The following GIGYF2 variants were observed in gnomAD, a reference collection of about 807,000 sequenced individuals.
The protein encoded by GIGYF2 is GRB10-interacting GYF protein 2.
In GIGYF2, 25 loss-of-function variants were observed where a neutral mutation model predicts 208.1. The observed-to-expected ratio is 0.12, with a 90% CI of 0.09 to 0.17. The LOEUF is 0.17. GIGYF2 is among the 10% of genes least tolerant of loss of function. The pLI is 1.00. For missense variants in GIGYF2, 1,302 were observed against 1,579.4 expected, an observed-to-expected ratio of 0.82 and a Z score of 2.98; for synonymous variants, 534 against 543.8, an observed-to-expected ratio of 0.98 and a Z score of 0.25.
At chr2:232,784,045 TTACA>T (rs1213336422) in intron 8 of GIGYF2, among the ~76,000 whole-genome samples, 1 of 152,162 alleles carries the variant, frequency 6.6e-6, no homozygotes, top group Non-Finnish European at 1.5e-5. Flanking sequence ...CCAGTAACAA[TTACA>T]TACAAGGATC....
chr2:232,774,204 G>A (rs1699413048), intron 8 of GIGYF2, among the ~76,000 whole-genome samples: 1 of 152,098 alleles, frequency 6.6e-6, no homozygotes, highest in Admixed American at 6.6e-5. Flanking sequence ...TCCAGAGTTA[G>A]TGCCATATTG....
intron 6 of GIGYF2, among the ~76,000 whole-genome samples, chr2:232,758,002 C>T (rs779855019): frequency 2.0e-5 from 3 of 152,080 alleles, no homozygotes; most frequent in Non-Finnish European, 2.9e-5. Flanking sequence ...AAGAATGGCA[C>T]GAAACTAGTC....
chr2:232,745,585 G>A (rs1180595597), intron 3 of GIGYF2, among the ~76,000 whole-genome samples: 1 of 152,180 alleles, frequency 6.6e-6, no homozygotes, highest in Non-Finnish European at 1.5e-5. Context: ...TAAGAATTAA[G>A]GCTTTTTCCC....
intron 2 of GIGYF2, chr2:232,722,763 G>A (rs1179733692): frequency 6.6e-6 from 1 of 151,996 alleles, no homozygotes; most frequent in Non-Finnish European, 1.5e-5. Flanking sequence ...TATTATCTTT[G>A]TAGCTTTTTA....
chr2:232,783,163 CT>C (rs1226294566), intron 8 of GIGYF2, among the ~76,000 whole-genome samples: 1 of 152,132 alleles, frequency 6.6e-6, no homozygotes, highest in Non-Finnish European at 1.5e-5. Flanking sequence ...TTAAAACAAC[CT>C]TGTGATTCTC....
intron 9 of GIGYF2, 131 bp from the exon 10 acceptor site, chr2:232,790,567 C>A: frequency 1.3e-6 from 1 of 792,340 alleles, no homozygotes; most frequent in Non-Finnish European, 2.3e-6. Context: ...GCCTAATGTT[C>A]TCTTTACTAG....
chr2:232,768,045 A>T, intron 8 of GIGYF2: 1 of 744,834 alleles, frequency 1.3e-6, no homozygotes, highest in East Asian at 2.6e-5. Context: ...TTGTTAGCTC[A>T]GCCATTCTTA....
At chr2:232,738,504 T>C (rs929097871) in intron 3 of GIGYF2, among the ~76,000 whole-genome samples, 9 of 152,190 alleles carry the variant, frequency 5.9e-5, no homozygotes, top group Admixed American at 3.3e-4. Context: ...AAATGTAACA[T>C]GACAAATATT....
intron 13 of GIGYF2, among the ~76,000 whole-genome samples, chr2:232,795,384 T>A (rs951762988): frequency 2.0e-5 from 3 of 152,204 alleles, no homozygotes; most frequent in African/African-American, 7.2e-5. Flanking sequence ...GTAAAGTAAG[T>A]GATAGCTTGC....
chr2:232,830,428 CAT>C (rs1230231138), intron 21 of GIGYF2, among the ~76,000 whole-genome samples: 1 of 152,018 alleles, frequency 6.6e-6, no homozygotes, highest in African/African-American at 2.4e-5. Context: ...ATGTTTAAGA[CAT>C]AGATTTTTTT....
At chr2:232,777,434 C>T (rs771589353) in intron 8 of GIGYF2, among the ~76,000 whole-genome samples, 1 of 152,068 alleles carries the variant, frequency 6.6e-6, no homozygotes, top group Non-Finnish European at 1.5e-5. Flanking sequence ...TACTTTTCTC[C>T]TCCTCCGTTA....
Position 232,791,165 on chromosome 2 carries a change from G to T in GIGYF2, c.1088G>T (p.Gly363Val), listed in dbSNP as rs775988473. 1 of 1,614,014 alleles carries T rather than the reference G, an allele frequency of 6.2e-7. No individual in the cohort carries two copies. Among genetic ancestry groups the T allele is most frequent in the South Asian group, 1.1e-5 (1 of 91,062 alleles). Residue 363 changes from glycine to valine, a missense_variant, in exon 11 of 29, where the codon GGA becomes GTA. Around this residue, in one of 8 missense-constraint regions of GIGYF2, gnomAD observed 235 missense variants for 218.8 expected, o/e 1.07. Coordinates refer to ENST00000373563, the MANE Select transcript of GIGYF2 (RefSeq NM_001103146.3). ...KKEGEKTDRV[G>V]VEASEETPQT... ...GAAGGAGAGAAAACAGATAGAGTAGGAGTTGGTAAGGCCTCTTCTTGCCCT... is the reference window on the plus strand; with the variant it reads ...GAAGGAGAGAAAACAGATAGAGTAGTAGTTGGTAAGGCCTCTTCTTGCCCT...
intron 6 of GIGYF2, 161 bp from the exon 7 acceptor site, chr2:232,760,319 T>C (rs992057084): frequency 1.1e-5 from 7 of 629,392 alleles, no homozygotes; most frequent in Non-Finnish European, 2.0e-5. Context: ...TTCAATGCCA[T>C]TGTTGGTCTC....
intron 7 of GIGYF2, 96 bp downstream of exon 7, chr2:232,760,687 G>T: frequency 2.6e-6 from 2 of 761,364 alleles, no homozygotes; most frequent in Non-Finnish European, 4.6e-6. Flanking sequence ...ACAGTTAAAG[G>T]GTTTCATTTT....
At chr2:232,844,946 TTATAAAA>T (rs1460582886) in intron 25 of GIGYF2, among the ~76,000 whole-genome samples, 1 of 152,238 alleles carries the variant, frequency 6.6e-6, no homozygotes, top group Non-Finnish European at 1.5e-5. Context: ...AATATGAGTA[TTATAAAA>T]TACCTCTGTA....
chr2:232,787,924 G>A (rs1699964452), intron 9 of GIGYF2, among the ~76,000 whole-genome samples: 1 of 152,190 alleles, frequency 6.6e-6, no homozygotes, highest in Non-Finnish European at 1.5e-5. Context: ...TGCTCAAACT[G>A]TTCTTCTTGG....
At chr2:232,748,621 A>G (rs1698235270) in intron 4 of GIGYF2, among the ~76,000 whole-genome samples, 1 of 152,198 alleles carries the variant, frequency 6.6e-6, no homozygotes, top group South Asian at 2.1e-4. Context: ...CGAGAATTTC[A>G]GATTTTAATG....
At chr2:232,818,822 TA>T (rs1450208378) in intron 20 of GIGYF2, among the ~76,000 whole-genome samples, 1 of 152,180 alleles carries the variant, frequency 6.6e-6, no homozygotes, top group Non-Finnish European at 1.5e-5. Context: ...AAGTAAATTA[TA>T]ATAAGTTGAC....
chr2:232,729,725 T>C, intron 2 of GIGYF2: 1 of 758,884 alleles, frequency 1.3e-6, no homozygotes. Context: ...GATGCACTCC[T>C]CTAATTTTGC....
Sources: gnomAD v4.1 joint callset for allele counts (sites outside exome capture counted in the v4.1 genomes callset) on GRCh38, gnomAD v4.1.1 for gene constraint, gnomAD v4.1.1 regional missense constraint, MANE v1.5 for transcripts, NCBI Gene and HGNC (gene_info 2026-07-23, HGNC 2026-07-21) for gene names.